The following PRKAG2 variants were observed in gnomAD, a reference collection of about 807,000 sequenced individuals.
PRKAG2 encodes the protein 5'-AMP-activated protein kinase subunit gamma-2.
PRKAG2 carries 26 observed loss-of-function variants against 69.6 expected under a neutral mutation model. That is an observed-to-expected ratio of 0.37 (90% CI 0.27 to 0.52). PRKAG2 has a LOEUF of 0.52. Ranked by LOEUF, PRKAG2 falls within the 20% of genes least tolerant of loss-of-function variation. The pLI, the probability that PRKAG2 is intolerant of heterozygous loss-of-function variation, is 0.90. For missense variants in PRKAG2, 557 were observed against 740.0 expected (o/e 0.75, Z 2.87); for synonymous variants, 293 against 285.0 (o/e 1.03, Z -0.28).
intron 1 of PRKAG2, among the ~76,000 whole-genome samples, chr7:151,815,085 T>C (rs1338494697): frequency 1.3e-5 from 2 of 152,154 alleles, no homozygotes; most frequent in African/African-American, 4.8e-5. Flanking sequence ...ATTCCTGTCC[T>C]TGGAGCACAA....
At chr7:151,821,371 G>A (rs995489084) in intron 1 of PRKAG2, among the ~76,000 whole-genome samples, 9 of 152,256 alleles carry the variant, frequency 5.9e-5, no homozygotes, top group African/African-American at 2.2e-4. Context: ...TTTTAAGCTG[G>A]GAACCAGGAT....
At position 151,556,248 on chromosome 7, in the gene PRKAG2, A is replaced by T. The variant is rs552411344; in HGVS notation, c.*953T>A. The T allele has an allele frequency of 7.9e-5, 12 of 152,670 alleles. No individual in the cohort carries two copies. In the South Asian group the frequency reaches 2.5e-3, roughly 32 times the overall value. The allele number at this position is 152,670 out of a possible 1,614,324, so 9.5% of individuals were successfully genotyped here. The stretch of plus-strand genomic sequence containing the variant: ...ACATTTTCAGAGCACTTACATTAGG[A>T]AACATTGTTTCTCTTCAACTGTATG... On this transcript the variant is annotated 3_prime_UTR_variant, in exon 16 of 16. Coordinates refer to ENST00000287878, the MANE Select transcript of PRKAG2 (RefSeq NM_016203.4).
intron 1 of PRKAG2, among the ~76,000 whole-genome samples, chr7:151,843,494 T>C (rs1462965620): frequency 6.6e-6 from 1 of 152,190 alleles, no homozygotes; most frequent in African/African-American, 2.4e-5. Context: ...TTTCATGAAT[T>C]ATGTCACCAA....
At chr7:151,792,760 C>G (rs569694502) in intron 1 of PRKAG2, among the ~76,000 whole-genome samples, 1 of 152,244 alleles carries the variant, frequency 6.6e-6, no homozygotes, top group African/African-American at 2.4e-5. Flanking sequence ...TGATTCCAAC[C>G]GAGGAAGCAA....
At chr7:151,876,412 C>G in intron 1 of PRKAG2, 95 bp downstream of exon 1, 1 of 1,259,540 alleles carries the variant, frequency 7.9e-7, no homozygotes, top group Non-Finnish European at 1.1e-6. Flanking sequence ...GGGGCACGCA[C>G]GGCGCGCGCG....
At chr7:151,628,137 G>A (rs545817967) in intron 5 of PRKAG2, among the ~76,000 whole-genome samples, 1 of 152,228 alleles carries the variant, frequency 6.6e-6, no homozygotes, top group Admixed American at 6.5e-5. Context: ...ACTTGAAAGA[G>A]CCCAGCTCCT....
Position 151,623,932 on chromosome 7 carries a change from G to A in PRKAG2, c.754+8137C>T, listed in dbSNP as rs949299354. On this transcript the variant is annotated intron_variant, in intron 5 of 15. Coordinates refer to ENST00000287878, the MANE Select transcript of PRKAG2 (RefSeq NM_016203.4). ...TGTGTACTGGGGAGGAGGTCTTGAC[G>A]GAACAATGAAACATTCCACTTCCAA... 3.3e-5 allele frequency among the ~76,000 whole-genome samples: 5 copies of A among 152,040 alleles called. No individual in the cohort carries two copies. In the East Asian group the frequency reaches 5.8e-4, roughly 18 times the overall value.
chr7:151,695,677 A>G (rs1337977873), intron 3 of PRKAG2, among the ~76,000 whole-genome samples: 2 of 152,212 alleles, frequency 1.3e-5, no homozygotes, highest in Non-Finnish European at 2.9e-5. Context: ...AGTGAAATGG[A>G]CAAATCAAAT....
chr7:151,729,360 A>G (rs1251921545), intron 3 of PRKAG2, among the ~76,000 whole-genome samples: 2 of 143,256 alleles, frequency 1.4e-5, no homozygotes, highest in African/African-American at 2.5e-5. Flanking sequence ...CAGCAGAACA[A>G]TGGGCACCAG....
chr7:151,817,036 T>C (rs2078663092), intron 1 of PRKAG2, among the ~76,000 whole-genome samples: 2 of 152,024 alleles, frequency 1.3e-5, no homozygotes, highest in African/African-American at 2.4e-5. Flanking sequence ...CATTAGAGAT[T>C]AAGGAACATA....
At chr7:151,855,045 G>A (rs1357929482) in intron 1 of PRKAG2, among the ~76,000 whole-genome samples, 298 of 3,700 alleles carry the variant, frequency 0.081, 23 homozygotes, top group East Asian at 0.22. Flanking sequence ...CACACACACC[G>A]CCCTCCACAC....
intron 3 of PRKAG2, among the ~76,000 whole-genome samples, chr7:151,758,724 G>A (rs905066962): frequency 1.2e-4 from 19 of 152,338 alleles, no homozygotes; most frequent in African/African-American, 3.8e-4. Context: ...GCAAGTGCAT[G>A]AAAAGCTCAA....
chr7:151,779,261 C>T (rs373249417), intron 3 of PRKAG2, among the ~76,000 whole-genome samples: 1 of 152,228 alleles, frequency 6.6e-6, no homozygotes, highest in Non-Finnish European at 1.5e-5. Context: ...GTGGACAGCA[C>T]CAAACCTCCC....
intron 3 of PRKAG2, among the ~76,000 whole-genome samples, chr7:151,768,079 G>A (rs1265995549): frequency 6.6e-6 from 1 of 152,196 alleles, no homozygotes; most frequent in East Asian, 1.9e-4. Context: ...TAAAGAGCAG[G>A]GGAGCTTAGA....
intron 3 of PRKAG2, among the ~76,000 whole-genome samples, chr7:151,743,581 T>C (rs1202314415): frequency 6.6e-6 from 1 of 152,218 alleles, no homozygotes; most frequent in Admixed American, 6.5e-5. Context: ...GCATGCTTCA[T>C]TGTTTTCTGG....
chr7:151,713,037 A>G (rs1192088300), intron 3 of PRKAG2, among the ~76,000 whole-genome samples: 9 of 152,194 alleles, frequency 5.9e-5, no homozygotes, highest in Admixed American at 5.9e-4. Flanking sequence ...CTGCTTCCCT[A>G]CAAATGCCCA....
intron 1 of PRKAG2, among the ~76,000 whole-genome samples, chr7:151,820,588 T>C (rs1457955884): frequency 8.5e-6 from 1 of 117,558 alleles, no homozygotes; most frequent in Non-Finnish European, 1.8e-5. Context: ...GGGCACACTC[T>C]ACTCGGAACA....
intron 4 of PRKAG2, among the ~76,000 whole-genome samples, chr7:151,665,068 G>A (rs1323346655): frequency 6.6e-6 from 1 of 152,156 alleles, no homozygotes; most frequent in East Asian, 1.9e-4. Context: ...TGTTAGTTTT[G>A]CTGCCCCGTG....
At chr7:151,646,224 A>G (rs751175544) in intron 4 of PRKAG2, among the ~76,000 whole-genome samples, 10 of 152,136 alleles carry the variant, frequency 6.6e-5, no homozygotes, top group Admixed American at 1.3e-4. Flanking sequence ...TAAAAATAAA[A>G]CCTACTGGAA....
Sources: allele counts gnomAD v4.1 joint callset (sites outside exome capture counted in the v4.1 genomes callset), GRCh38; gene constraint gnomAD v4.1.1; transcripts MANE v1.5; gene names NCBI Gene and HGNC (gene_info 2026-07-23, HGNC 2026-07-21).